The following SLC9A2 variants were observed in gnomAD, a reference collection of about 807,000 sequenced individuals.
SLC9A2 encodes the protein solute carrier family 9 member A2.
SLC9A2 carries 42 observed loss-of-function variants against 71.7 expected under a neutral mutation model. The observed-to-expected ratio is 0.59, with a 90% CI of 0.46 to 0.76. SLC9A2 has a LOEUF of 0.76. SLC9A2 is among the 30% of genes least tolerant of loss of function. SLC9A2 has a pLI of 0.00. For synonymous variants in SLC9A2, 396 were observed against 392.5 expected (o/e 1.01, Z -0.10); for missense variants, 829 against 1,017.4 (o/e 0.81, Z 2.52).
intron 9 of SLC9A2, among the ~76,000 whole-genome samples, chr2:102,702,749 G>A (rs1291022008): frequency 1.3e-5 from 2 of 152,140 alleles, no homozygotes; most frequent in South Asian, 4.1e-4. Context: ...AGAAATACAC[G>A]TTGACTAATT....
Position 102,710,832 on chromosome 2 carries a change from G to A in SLC9A2, c.*2343G>A, listed in dbSNP as rs1360064292. ...GCTTTCGTTCGTCCAAACAACACTT[G>A]ATCCAACCAAAGTTCCAATGTGACT... On this transcript the variant is annotated 3_prime_UTR_variant, in exon 12 of 12. Coordinates refer to ENST00000233969, the MANE Select transcript of SLC9A2 (RefSeq NM_003048.6). 1.3e-5 allele frequency: 2 copies of A among 152,314 alleles called. No individual in the cohort carries two copies. Among genetic ancestry groups the A allele is most frequent in the African/African-American group, 4.8e-5 (2 of 41,436 alleles). 9.4% of individuals were successfully genotyped at this position (152,314 alleles called of 1,614,324 possible).
intron 1 of SLC9A2, among the ~76,000 whole-genome samples, chr2:102,656,585 G>A (rs1480654707): frequency 6.6e-6 from 1 of 152,174 alleles, no homozygotes; most frequent in Admixed American, 6.5e-5. Flanking sequence ...GTTTCTTGAG[G>A]CATCCTGACG....
chr2:102,705,795 C>T, intron 10 of SLC9A2, 51 bp from the exon 11 acceptor site: 1 of 1,098,210 alleles, frequency 9.1e-7, no homozygotes, highest in East Asian at 2.5e-5. Flanking sequence ...CTTTAATATA[C>T]AATAAGTGCC....
Position 102,710,309 on chromosome 2 carries a change from G to A in SLC9A2, c.*1820G>A, listed in dbSNP as rs1678081009. ...ATGATAATAACATGATTCAAGAAAT[G>A]TGATGTAGATTTTTGAGAATGCCAA... On this transcript the variant is annotated 3_prime_UTR_variant, in exon 12 of 12. Transcript: ENST00000233969. The A allele has an allele frequency of 6.6e-6, 1 of 152,474 alleles. No homozygotes were observed. Among genetic ancestry groups the A allele is most frequent in the Non-Finnish European group, 1.5e-5 (1 of 68,028 alleles). 9.4% of individuals were successfully genotyped at this position (152,474 alleles called of 1,614,324 possible). A position where few individuals can be genotyped will look rare whatever the true frequency, so the allele number is the denominator to read the frequency against.
chr2:102,633,829 A>T (rs535345714), intron 1 of SLC9A2, among the ~76,000 whole-genome samples: 84 of 152,338 alleles, frequency 5.5e-4, no homozygotes, highest in African/African-American at 2.0e-3. Flanking sequence ...ATATAACTTA[A>T]GCTGTCATGT....
intron 2 of SLC9A2, among the ~76,000 whole-genome samples, chr2:102,664,137 G>A (rs1274904655): frequency 6.6e-6 from 1 of 152,022 alleles, no homozygotes; most frequent in Non-Finnish European, 1.5e-5. Flanking sequence ...TTAGCCGGGT[G>A]TGGTGGCGCC....
At chr2:102,672,340 T>C (rs1231941771) in intron 3 of SLC9A2, among the ~76,000 whole-genome samples, 6 of 147,888 alleles carry the variant, frequency 4.1e-5, no homozygotes, top group Non-Finnish European at 7.5e-5. Context: ...CATACAGCTC[T>C]GATGATTCCT....
intron 5 of SLC9A2, among the ~76,000 whole-genome samples, chr2:102,691,047 T>TC (rs1677651887): frequency 6.6e-6 from 1 of 151,788 alleles, no homozygotes; most frequent in Non-Finnish European, 1.5e-5. Flanking sequence ...TTGTTTGTTT[T>TC]CCCCTCTGAT....
chr2:102,651,525 C>CTT (rs1676836020), intron 1 of SLC9A2, among the ~76,000 whole-genome samples: 1 of 152,196 alleles, frequency 6.6e-6, no homozygotes, highest in Admixed American at 6.5e-5. Context: ...TCATTCAGGG[C>CTT]TTTGTTCAGG....
At chr2:102,622,376 C>T (rs960201401) in intron 1 of SLC9A2, among the ~76,000 whole-genome samples, 1 of 152,182 alleles carries the variant, frequency 6.6e-6, no homozygotes, top group Non-Finnish European at 1.5e-5. Flanking sequence ...TGCTTCTGTG[C>T]CTGTTTCCAT....
chr2:102,624,183 T>C lies in SLC9A2; in HGVS notation c.289+4046T>C, dbSNP rs866025322. ...TGCTTATGAAGTAGGTCAAAATATTTTTTTAAAGCACAGCAAATTTAGTAC... is the reference window on the plus strand; with the variant it reads ...TGCTTATGAAGTAGGTCAAAATATTCTTTTAAAGCACAGCAAATTTAGTAC... On this transcript the variant is annotated intron_variant, in intron 1 of 11. Transcript: ENST00000233969. 3.0e-4 allele frequency among the ~76,000 whole-genome samples: 45 copies of C among 152,302 alleles called. 1 individual carries two copies. The highest frequency in any genetic ancestry group is 1.1e-3 in the African/African-American group (45 of 41,554).
At chr2:102,621,679 GCT>G in intron 1 of SLC9A2, among the ~76,000 whole-genome samples, 1 of 152,342 alleles carries the variant, frequency 6.6e-6, no homozygotes, top group African/African-American at 2.4e-5. Context: ...TCCTCAGGGA[GCT>G]TACTGATGAG....
rs780707263 is a variant in SLC9A2, at chr2:102,708,083, A to G, written c.2069-36A>G. 1.8e-5 allele frequency: 29 copies of G among 1,583,814 alleles called. No homozygotes were observed. In the East Asian group the frequency reaches 5.8e-4, roughly 32 times the overall value. Reference sequence around the variant, plus strand: ...AGTTACTTGCAATGCCTTCTCTCTAAAATGCTTGCCCACCTTGTCTTTTGC... The same window carrying G: ...AGTTACTTGCAATGCCTTCTCTCTAGAATGCTTGCCCACCTTGTCTTTTGC... On this transcript the variant is annotated intron_variant, in intron 11 of 11. Transcript: ENST00000233969.
At chr2:102,698,333 G>T (rs567104128) in intron 7 of SLC9A2, among the ~76,000 whole-genome samples, 17 of 152,158 alleles carry the variant, frequency 1.1e-4, no homozygotes, top group Admixed American at 1.1e-3. Flanking sequence ...GGTTAACATC[G>T]ATTCCTTCCA....
chr2:102,620,650 C>CT (rs1410049854), intron 1 of SLC9A2, among the ~76,000 whole-genome samples: 1 of 152,206 alleles, frequency 6.6e-6, no homozygotes, highest in Non-Finnish European at 1.5e-5. Flanking sequence ...TAGGAACGCC[C>CT]TTTCTCCTCC....
intron 1 of SLC9A2, among the ~76,000 whole-genome samples, chr2:102,627,074 C>T (rs1676262457): frequency 6.6e-6 from 1 of 151,982 alleles, no homozygotes; most frequent in South Asian, 2.1e-4. Flanking sequence ...TCACTTGAGG[C>T]CAGAAGTTTG....
chr2:102,704,311 T>TA lies in SLC9A2; in HGVS notation c.1846-225dup, dbSNP rs1026935342. Among the ~76,000 whole-genome samples, 325 of 151,524 alleles carry TA rather than the reference T, an allele frequency of 2.1e-3. 1 individual carries two copies. Among genetic ancestry groups the TA allele is most frequent in the African/African-American group, 7.2e-3 (297 of 41,258 alleles). On this transcript the variant is annotated intron_variant, in intron 9 of 11. Coordinates refer to ENST00000233969, the MANE Select transcript of SLC9A2 (RefSeq NM_003048.6). The stretch of plus-strand genomic sequence containing the variant: ...GAGTGACAGATCAAGACCCCAACTC[T>TA]AAAAAAAAGAAAAATAAAAAAACAC...
chr2:102,659,000 G>A (rs764753099), intron 2 of SLC9A2, among the ~76,000 whole-genome samples: 24 of 152,248 alleles, frequency 1.6e-4, no homozygotes, highest in Non-Finnish European at 2.8e-4. Context: ...TTATGAAACA[G>A]GCATTCCTCC....
Position 102,619,832 on chromosome 2 carries a change from G to GGCAACC in SLC9A2, c.-15_-10dup, listed in dbSNP as rs1676099786. The stretch of plus-strand genomic sequence containing the variant: ...AGGGCCAACCGCCGGTCCCCTTGGC[G>GGCAACC]GCAACCGGCGGCACCCATGGAACCA... On this transcript the variant is annotated 5_prime_UTR_variant, in exon 1 of 12. Coordinates refer to ENST00000233969, the MANE Select transcript of SLC9A2 (RefSeq NM_003048.6). This position sits in a 1 kb window ranked among gnomAD's most constrained non-coding sequence, Gnocchi z 4.3. 6.8e-7 allele frequency: 1 copy of GGCAACC among 1,476,684 alleles called. No homozygotes were observed. Among genetic ancestry groups the GGCAACC allele is most frequent in the East Asian group, 2.4e-5 (1 of 41,078 alleles). The allele number at this position is 1,476,684 out of a possible 1,614,324, so 91.5% of individuals were successfully genotyped here. A position where few individuals can be genotyped will look rare whatever the true frequency, so the allele number is the denominator to read the frequency against.
Sources: gnomAD v4.1 joint callset for allele counts (sites outside exome capture counted in the v4.1 genomes callset) on GRCh38, gnomAD v4.1.1 for gene constraint, Gnocchi (gnomAD v3.1) non-coding constraint, MANE v1.5 for transcripts, NCBI Gene and HGNC (gene_info 2026-07-23, HGNC 2026-07-21) for gene names.